Variants in TAF9 observed in about 807,000 individuals in gnomAD.
TAF9 encodes TATA-box binding protein associated factor 9, also known as transcription initiation factor TFIID subunit 9.
A neutral mutation model predicts 16.5 loss-of-function variants in TAF9; 10 were observed. That is an observed-to-expected ratio of 0.61 (90% CI 0.37 to 1.03). TAF9 has a LOEUF of 1.03. Ranked by LOEUF, TAF9 falls within the 50% of genes least tolerant of loss-of-function variation. TAF9 has a pLI of 0.01. For missense variants in TAF9, 288 were observed against 319.1 expected (o/e 0.90, Z 0.74); for synonymous variants, 105 against 120.5 (o/e 0.87, Z 0.84).
chr5:69,367,229 C>T (rs534819461), intron 1 of TAF9, among the ~76,000 whole-genome samples: 2 of 151,710 alleles, frequency 1.3e-5, no homozygotes, highest in African/African-American at 2.4e-5. Flanking sequence ...TTAGCCATCT[C>T]GTGCTGGGCG....
At chr5:69,365,820 G>C in intron 2 of TAF9, 66 bp from the exon 3 acceptor site, 1 of 1,193,422 alleles carries the variant, frequency 8.4e-7, no homozygotes, top group African/African-American at 1.5e-5. Context: ...AGTAGCAACT[G>C]TCAGGAACTT....
chr5:69,369,226 A>ACCCCCCCCCCCCCCCCCCCCCC (rs200123392), intron 1 of TAF9: 3 of 124,546 alleles, frequency 2.4e-5, no homozygotes, highest in Admixed American at 1.9e-4. Flanking sequence ...ACCTCTCTCC[A>ACCCCCCCCCCCCCCCCCCCCCC]CCCCCCCCCG....
intron 1 of TAF9, chr5:69,369,240 C>CCCCCCCCCCCCCCCCCA: frequency 4.4e-6 from 1 of 227,000 alleles, no homozygotes; most frequent in Non-Finnish European, 8.4e-6. Flanking sequence ...CCCCCCGCCC[C>CCCCCCCCCCCCCCCCCA]CCCCCGGAGC....
chr5:69,365,504 G>A lies in TAF9; in HGVS notation c.234C>T (p.Arg78=), dbSNP rs139330602. 6.0e-5 allele frequency: 97 copies of A among 1,613,848 alleles called. No individual in the cohort carries two copies. The highest frequency in any genetic ancestry group is 1.6e-4 in the Middle Eastern group (1 of 6,078). ...GAGGAGAGGTAAAAGACTGATCAGC[G>A]CGGCACTGGATTGCCAATCGCACAT... The part of the protein sequence containing the change: ...ADDVRLAIQC[R]ADQSFTSPPP... The change falls in exon 3 of 3, where the codon CGC becomes CGT. Residue 78 remains arginine (R), a synonymous_variant. Transcript: ENST00000217893.
Position 69,366,550 on chromosome 5 carries a change from G to A in TAF9, c.-65C>T. 1 of 1,613,912 alleles carries A rather than the reference G, an allele frequency of 6.2e-7. No homozygotes were observed. On this transcript the variant is annotated 5_prime_UTR_variant, in exon 2 of 3. Coordinates refer to ENST00000217893, the MANE Select transcript of TAF9 (RefSeq NM_003187.5). Reference sequence around the variant, plus strand: ...ATTAATGTATTTCAGTCCTGATTTTGACGCAAGTTCTTTGCCTAGTGTGGT... The same window carrying A: ...ATTAATGTATTTCAGTCCTGATTTTAACGCAAGTTCTTTGCCTAGTGTGGT...
chr5:69,369,329 T>C (rs1196686594), intron 1 of TAF9, 134 bp downstream of exon 1: 1 of 826,384 alleles, frequency 1.2e-6, no homozygotes, highest in Non-Finnish European at 1.6e-6. Context: ...CCCGGGGCGC[T>C]GACAACCGCC....
At position 69,365,186 on chromosome 5, in the gene TAF9, A is replaced by G. The variant is rs1241860833; in HGVS notation, c.552T>C (p.Gly184=). Reference sequence around the variant, plus strand: ...TAGGCATCTGTACTGTAAACCTTTGACCTGTGAGGGACATGGGAGTCCCTA... The same window carrying G: ...TAGGCATCTGTACTGTAAACCTTTGGCCTGTGAGGGACATGGGAGTCCCTA... ...TKVGTPMSLT[G]QRFTVQMPTS... The change falls in exon 3 of 3, where the codon GGT becomes GGC. Residue 184 remains glycine (G), a synonymous_variant. Transcript: ENST00000217893. The G allele has an allele frequency of 6.2e-7, 1 of 1,614,200 alleles. No homozygotes were observed. The highest frequency in any genetic ancestry group is 1.1e-5 in the South Asian group (1 of 91,088).
upstream of TAF9, chr5:69,369,614 C>A (rs1453385095): frequency 6.3e-7 from 1 of 1,578,300 alleles, no homozygotes; most frequent in African/African-American, 1.4e-5. Flanking sequence ...CACCGCGGCG[C>A]CCCTAGCCTG....
chr5:69,369,809 C>A (rs1429507341), upstream of TAF9: 2 of 1,183,758 alleles, frequency 1.7e-6, no homozygotes, highest in South Asian at 1.4e-5. Context: ...GGAAGGTCCC[C>A]GGGAGGCCGT....
intron 1 of TAF9, among the ~76,000 whole-genome samples, chr5:69,368,569 G>A (rs967387712): frequency 3.3e-5 from 5 of 151,628 alleles, no homozygotes; most frequent in African/African-American, 1.2e-4. Flanking sequence ...TATTTGTGGG[G>A]TGGTTAATCT....
chr5:69,367,631 G>C (rs544635463), intron 1 of TAF9, among the ~76,000 whole-genome samples: 51 of 151,904 alleles, frequency 3.4e-4, no homozygotes, highest in African/African-American at 1.1e-3. Context: ...TGGCTCACTA[G>C]AGCCTTTACC....
At chr5:69,368,784 C>T (rs960075721) in intron 1 of TAF9, 4 of 152,170 alleles carry the variant, frequency 2.6e-5, no homozygotes, top group Non-Finnish European at 4.4e-5. Flanking sequence ...TCGTTAAAGT[C>T]GTTATGCAGC....
chr5:69,365,904 T>C (rs1762402211), intron 2 of TAF9, 150 bp from the exon 3 acceptor site: 1 of 499,980 alleles, frequency 2.0e-6, no homozygotes, highest in Non-Finnish European at 3.3e-6. Flanking sequence ...TTAATTTTAA[T>C]GAGGCAACTT....
intron 1 of TAF9, among the ~76,000 whole-genome samples, chr5:69,367,610 G>A (rs1381859669): frequency 6.6e-6 from 1 of 151,776 alleles, no homozygotes; most frequent in Non-Finnish European, 1.5e-5. Context: ...AGGCTGGAGT[G>A]CAGTGGAACT....
At position 69,365,065 on chromosome 5, in the gene TAF9, G is replaced by C; in HGVS notation, c.673C>G (p.Leu225Val). The C allele has an allele frequency of 6.2e-7, 1 of 1,614,164 alleles. No homozygotes were observed. The highest frequency in any genetic ancestry group is 8.5e-7 in the Non-Finnish European group (1 of 1,180,016). Residue 225 changes from leucine (L) to valine (V), a missense_variant, in exon 3 of 3, where the codon CTT becomes GTT. Leu to Val is a conservative substitution (Grantham distance 32, BLOSUM62 1). Coordinates refer to ENST00000217893, the MANE Select transcript of TAF9 (RefSeq NM_003187.5). The stretch of plus-strand genomic sequence containing the variant: ...GATGACATCATATTAGTGGTAATAA[G>C]AATGTTTTTGGACCCGATTAATGAT... ...NPSLIGSKNILITTNMMSSQN... is the reference protein window; with the variant it reads ...NPSLIGSKNIVITTNMMSSQN...
In TAF9 at chr5:69,364,973, A is replaced by G. The variant is rs548057941; in HGVS notation, c.765T>C (p.Asp255=). 1,084 of 1,612,792 alleles carry G rather than the reference A, an allele frequency of 6.7e-4. 5 individuals carry two copies. In the Middle Eastern group the frequency reaches 0.017, roughly 25 times the overall value. The change falls in exon 3 of 3, where the codon GAT becomes GAC. Residue 255 remains aspartate (D), a synonymous_variant. Transcript: ENST00000217893. ...KRKREDDDDD[D]DDDDDYDNL ...GATTATCATAGTCATCATCATCATC[A>G]TCGTCATCATCATCATCTTCACGTT...
rs779258687 is a variant in TAF9, at chr5:69,365,261, A to C, written c.477T>G (p.Thr159=). ...GTGGGGTTGGTGTGCCTAGTGTGGG[A>C]GTACTTGGTCTGCTAGTAACTGAAC... is the stretch of plus-strand genomic sequence containing the variant. ...SVGSVTSRPS[T]PTLGTPTPQT... is the part of the protein sequence containing the mutation. Residue 159 remains threonine (T), a synonymous_variant, in exon 3 of 3, where the codon ACT becomes ACG. Coordinates refer to ENST00000217893, the MANE Select transcript of TAF9 (RefSeq NM_003187.5). 3.7e-6 allele frequency: 6 copies of C among 1,614,068 alleles called. No individual in the cohort carries two copies. The highest frequency in any genetic ancestry group is 1.6e-4 in the Middle Eastern group (1 of 6,084).
upstream of TAF9, chr5:69,369,810 G>A (rs1366492139): frequency 4.2e-6 from 5 of 1,176,688 alleles, no homozygotes; most frequent in African/African-American, 3.1e-5. Flanking sequence ...GAAGGTCCCC[G>A]GGAGGCCGTA....
chr5:69,365,413 G>A lies in TAF9; in HGVS notation c.325C>T (p.Pro109Ser). 1 of 1,614,186 alleles carries A rather than the reference G, an allele frequency of 6.2e-7. No individual in the cohort carries two copies. The highest frequency in any genetic ancestry group is 8.5e-7 in the Non-Finnish European group (1 of 1,180,038). ...GGTGGCAACCTAGGACCTGAATATGGCTTGATCAATGGCAAAGGGGTTTGA... is the reference window on the plus strand; with the variant it reads ...GGTGGCAACCTAGGACCTGAATATGACTTGATCAATGGCAAAGGGGTTTGA... ...RNQTPLPLIKPYSGPRLPPDR... is the reference protein window; with the variant it reads ...RNQTPLPLIKSYSGPRLPPDR... Residue 109 changes from proline to serine, a missense_variant, in exon 3 of 3, where the codon CCA (proline) becomes TCA (serine). Coordinates refer to ENST00000217893, the MANE Select transcript of TAF9 (RefSeq NM_003187.5).
Sources: gnomAD v4.1 joint callset for allele counts (sites outside exome capture counted in the v4.1 genomes callset) on GRCh38, gnomAD v4.1.1 for gene constraint, MANE v1.5 for transcripts, NCBI Gene and HGNC (gene_info 2026-07-23, HGNC 2026-07-21) for gene names.